Variants in ALPK2 observed in about 807,000 individuals in gnomAD.
ALPK2 encodes the protein alpha kinase 2.
Under a neutral mutation model 163.1 loss-of-function variants are expected in ALPK2, and 127 were observed. That is an observed-to-expected ratio of 0.78 (90% CI 0.67 to 0.90). ALPK2 has a LOEUF of 0.90. Among genes scored for constraint, ALPK2 ranks in the 40% least tolerant of loss-of-function variants. ALPK2 has a pLI of 0.00. For missense variants in ALPK2, 2,360 were observed against 2,589.6 expected (o/e 0.91, Z 1.92); for synonymous variants, 953 against 959.1 (o/e 0.99, Z 0.12).
chr18:58,518,076 A>C (rs2051531819), intron 8 of ALPK2, among the ~76,000 whole-genome samples: 1 of 152,214 alleles, frequency 6.6e-6, no homozygotes, highest in Admixed American at 6.5e-5. Flanking sequence ...TTTCAATGAA[A>C]TAAGATTGTT....
chr18:58,558,343 A>G (rs903183494), intron 4 of ALPK2, among the ~76,000 whole-genome samples: 5 of 152,254 alleles, frequency 3.3e-5, no homozygotes, highest in Non-Finnish European at 2.9e-5. Context: ...TTATATTTAC[A>G]TATTGAAATA....
In ALPK2 at chr18:58,535,630, C is replaced by T. The variant is rs750398552; in HGVS notation, c.4557G>A (p.Gly1519=). 6.8e-6 allele frequency: 11 copies of T among 1,614,230 alleles called. No homozygotes were observed. The highest frequency in any genetic ancestry group is 3.3e-5 in the Admixed American group (2 of 60,036). Residue 1519 remains glycine, a synonymous_variant, in exon 5 of 13, where the codon GGG becomes GGA. Coordinates refer to ENST00000361673, the MANE Select transcript of ALPK2 (RefSeq NM_052947.4). The stretch of plus-strand genomic sequence containing the variant: ...TGCTTTGCTCAGCCTCCCCTAAGCT[C>T]CCATCACTGCTTTCTTGTATTTGGC... ...SIGQIQESSD[G]SLGEAEQSKK...
intron 6 of ALPK2, among the ~76,000 whole-genome samples, 200 bp from the exon 7 acceptor site, chr18:58,524,262 C>G (rs552140210): frequency 6.6e-6 from 1 of 152,228 alleles, no homozygotes; most frequent in African/African-American, 2.4e-5. Context: ...TTGGCTAACA[C>G]GCTCACTCCA....
intron 4 of ALPK2, among the ~76,000 whole-genome samples, chr18:58,573,146 A>C (rs1172587542): frequency 6.6e-6 from 1 of 151,490 alleles, no homozygotes; most frequent in African/African-American, 2.4e-5. Context: ...CTTTATGTTT[A>C]ATTTTAAATT....
chr18:58,556,225 T>C (rs2051790505), intron 4 of ALPK2, among the ~76,000 whole-genome samples: 1 of 151,934 alleles, frequency 6.6e-6, no homozygotes, highest in Admixed American at 6.6e-5. Context: ...AACAGGTATA[T>C]AGTAAAAATT....
intron 8 of ALPK2, among the ~76,000 whole-genome samples, chr18:58,523,036 T>C (rs1435397619): frequency 1.4e-5 from 2 of 147,670 alleles, no homozygotes; most frequent in Non-Finnish European, 3.0e-5. Context: ...TAGCATTAGG[T>C]ATATCTCCTA....
chr18:58,535,655 C>A lies in ALPK2; in HGVS notation c.4532G>T (p.Gly1511Val), dbSNP rs912110062. 1 of 1,614,232 alleles carries A rather than the reference C, an allele frequency of 6.2e-7. No homozygotes were observed. Among genetic ancestry groups the A allele is most frequent in the Non-Finnish European group, 8.5e-7 (1 of 1,180,032 alleles). ...CCCATCACTGCTTTCTTGTATTTGG[C>A]CTATGCTACATCCACTTGGAATTCT... The part of the protein sequence containing the change: ...GERIPSGCSI[G>V]QIQESSDGSL... Residue 1511 changes from glycine (G) to valine (V), a missense_variant, in exon 5 of 13, where the codon GGC (glycine) becomes GTC (valine). Transcript: ENST00000361673.
intron 4 of ALPK2, among the ~76,000 whole-genome samples, chr18:58,573,182 A>G (rs559180277): frequency 5.3e-5 from 8 of 150,290 alleles, no homozygotes; most frequent in African/African-American, 1.7e-4. Context: ...GCAGCATTAT[A>G]TATGTATATG....
Position 58,537,654 on chromosome 18 carries a change from C to T in ALPK2, c.2533G>A (p.Gly845Ser). The T allele has an allele frequency of 6.2e-7, 1 of 1,613,648 alleles. No individual in the cohort carries two copies. Among genetic ancestry groups the T allele is most frequent in the South Asian group, 1.1e-5 (1 of 91,046 alleles). ...ICSVDTELAE[G>S]QNKVSDLCSS... is the part of the protein sequence containing the mutation. ...CATAAATCAGATACTTTGTTTTGAC[C>T]TTCTGCCAGTTCCGTATCTACAGAG... The change falls in exon 5 of 13, where the codon GGT becomes AGT. Residue 845 changes from glycine to serine, a missense_variant. Physicochemically the swap from Gly to Ser is moderately conservative, Grantham distance 56. Coordinates refer to ENST00000361673, the MANE Select transcript of ALPK2 (RefSeq NM_052947.4).
intron 4 of ALPK2, among the ~76,000 whole-genome samples, chr18:58,563,716 A>G (rs2051836443): frequency 1.3e-5 from 2 of 152,262 alleles, no homozygotes; most frequent in South Asian, 4.1e-4. Flanking sequence ...TAATGCCTGC[A>G]TAGTCCAAAG....
intron 4 of ALPK2, among the ~76,000 whole-genome samples, chr18:58,540,402 T>A (rs2051684079): frequency 6.6e-6 from 1 of 152,248 alleles, no homozygotes; most frequent in Non-Finnish European, 1.5e-5. Context: ...TATCCCTTTT[T>A]CTTCTTTATT....
intron 4 of ALPK2, among the ~76,000 whole-genome samples, chr18:58,550,650 C>A (rs2051752774): frequency 6.6e-6 from 1 of 152,054 alleles, no homozygotes; most frequent in Non-Finnish European, 1.5e-5. Context: ...ACAACCCCAT[C>A]CCCGTCTCCA....
At chr18:58,522,710 C>G (rs564598627) in intron 8 of ALPK2, among the ~76,000 whole-genome samples, 1 of 152,212 alleles carries the variant, frequency 6.6e-6, no homozygotes, top group South Asian at 2.1e-4. Context: ...GCTGAAAAAT[C>G]CCATGCAGAA....
At chr18:58,559,993 T>A (rs572439062) in intron 4 of ALPK2, among the ~76,000 whole-genome samples, 8 of 152,304 alleles carry the variant, frequency 5.3e-5, no homozygotes, top group African/African-American at 1.4e-4. Context: ...TGAATCTCAC[T>A]GGGCTACAAT....
chr18:58,489,910 G>A (rs1011522288), intron 12 of ALPK2, among the ~76,000 whole-genome samples: 10 of 151,150 alleles, frequency 6.6e-5, no homozygotes, highest in African/African-American at 1.5e-4. Context: ...TCCTGGCCCC[G>A]TCTCTACTAA....
chr18:58,557,666 ATACGTGTG>A (rs1261471879), intron 4 of ALPK2, among the ~76,000 whole-genome samples: 1 of 76,380 alleles, frequency 1.3e-5, no homozygotes, highest in African/African-American at 4.9e-5. Context: ...ACACATATAT[ATACGTGTG>A]TGTGTGTGTG....
intron 10 of ALPK2, among the ~76,000 whole-genome samples, chr18:58,505,250 T>C (rs2051455937): frequency 6.6e-6 from 1 of 151,966 alleles, no homozygotes; most frequent in Non-Finnish European, 1.5e-5. Context: ...TCCAGCATTA[T>C]CCATTTGCTG....
At chr18:58,555,576 A>G (rs1272728705) in intron 4 of ALPK2, among the ~76,000 whole-genome samples, 2 of 152,206 alleles carry the variant, frequency 1.3e-5, no homozygotes, top group African/African-American at 2.4e-5. Context: ...TATAAAGTCT[A>G]CCTACTCTGG....
At chr18:58,521,691 G>A (rs996925389) in intron 8 of ALPK2, among the ~76,000 whole-genome samples, 1 of 140,284 alleles carries the variant, frequency 7.1e-6, no homozygotes, top group Admixed American at 7.5e-5. Flanking sequence ...GCAGTGGCGT[G>A]ATCTCAGCTC....
Sources: gnomAD v4.1 joint callset for allele counts (sites outside exome capture counted in the v4.1 genomes callset) on GRCh38, gnomAD v4.1.1 for gene constraint, MANE v1.5 for transcripts, NCBI Gene and HGNC (gene_info 2026-07-23, HGNC 2026-07-21) for gene names.